The following XRCC4 variants were observed in gnomAD, a reference collection of about 807,000 sequenced individuals.
XRCC4 encodes the protein X-ray repair cross complementing 4, also known as DNA repair protein XRCC4.
Under a neutral mutation model 39.1 loss-of-function variants are expected in XRCC4, and 28 were observed. The ratio of observed to expected loss-of-function variants is 0.72; its 90% CI spans 0.53 to 0.98. XRCC4 has a LOEUF of 0.98. XRCC4 is among the 50% of genes least tolerant of loss of function. The pLI, the probability that XRCC4 is intolerant of heterozygous loss-of-function variation, is 0.00. For synonymous variants in XRCC4, 123 were observed against 126.4 expected, an observed-to-expected ratio of 0.97 and a Z score of 0.18; for missense variants, 350 against 376.4, an observed-to-expected ratio of 0.93 and a Z score of 0.58.
intron 6 of XRCC4, among the ~76,000 whole-genome samples, chr5:83,214,035 C>A (rs962994010): frequency 6.6e-6 from 1 of 152,114 alleles, no homozygotes; most frequent in Non-Finnish European, 1.5e-5. Context: ...TCTCAACAAA[C>A]CAGGAATATG....
At chr5:83,368,165 A>G in the XRCC4 span, among the ~76,000 whole-genome samples, 1 of 150,966 alleles carries the variant, frequency 6.6e-6, no homozygotes, top group Non-Finnish European at 1.5e-5. Context: ...TTTGCAAGCT[A>G]TTGATTAAGA....
chr5:83,351,428 T>G (rs1438844547), intron 7 of XRCC4, among the ~76,000 whole-genome samples: 3 of 152,182 alleles, frequency 2.0e-5, no homozygotes, highest in Non-Finnish European at 1.5e-5. Context: ...TTGAGATAGT[T>G]CAGTTATCTC....
intron 7 of XRCC4, among the ~76,000 whole-genome samples, chr5:83,301,905 G>C (rs1344386463): frequency 6.6e-6 from 1 of 152,114 alleles, no homozygotes; most frequent in Non-Finnish European, 1.5e-5. Context: ...TGTTATGTCT[G>C]AGCCCTCTGT....
At chr5:83,228,461 T>G (rs940440178) in intron 6 of XRCC4, among the ~76,000 whole-genome samples, 2 of 152,016 alleles carry the variant, frequency 1.3e-5, no homozygotes, top group African/African-American at 4.8e-5. Flanking sequence ...AGCCAACACT[T>G]GAAAAAGAAT....
intron 7 of XRCC4, among the ~76,000 whole-genome samples, chr5:83,281,394 G>A (rs1754532087): frequency 2.0e-5 from 3 of 152,050 alleles, no homozygotes; most frequent in African/African-American, 7.2e-5. Flanking sequence ...AGGCTTTCAT[G>A]AGCTGCACTT....
intron 1 of XRCC4, among the ~76,000 whole-genome samples, chr5:83,085,742 C>T (rs912875608): frequency 2.0e-5 from 3 of 152,132 alleles, no homozygotes; most frequent in African/African-American, 4.8e-5. Context: ...AAAGTTTATA[C>T]TCTGATAACT....
intron 1 of XRCC4, among the ~76,000 whole-genome samples, chr5:83,093,325 A>G (rs1038051939): frequency 6.6e-6 from 1 of 152,244 alleles, no homozygotes; most frequent in African/African-American, 2.4e-5. Flanking sequence ...AGCAAACATT[A>G]AAGGGTGTAC....
intron 7 of XRCC4, among the ~76,000 whole-genome samples, chr5:83,278,621 T>C (rs181118843): frequency 6.6e-6 from 1 of 152,312 alleles, no homozygotes; most frequent in Admixed American, 6.5e-5. Flanking sequence ...GCCCCTTTTT[T>C]AACTGTACAA....
At chr5:83,246,038 C>A (rs1194174081) in intron 6 of XRCC4, among the ~76,000 whole-genome samples, 1 of 151,854 alleles carries the variant, frequency 6.6e-6, no homozygotes, top group Non-Finnish European at 1.5e-5. Flanking sequence ...TTTTTTCTAT[C>A]ATTGTCCTTT....
intron 1 of XRCC4, among the ~76,000 whole-genome samples, chr5:83,086,209 G>A (rs781731138): frequency 3.9e-5 from 6 of 152,134 alleles, no homozygotes; most frequent in African/African-American, 7.2e-5. Flanking sequence ...ATATAGTAGC[G>A]TACATTGTAA....
chr5:83,240,684 G>A (rs985578899), intron 6 of XRCC4, among the ~76,000 whole-genome samples: 32 of 152,232 alleles, frequency 2.1e-4, no homozygotes, highest in Admixed American at 9.2e-4. Context: ...CACAAAGGTA[G>A]GTTCTGTATT....
rs76077030 is a variant in XRCC4 at position 83,272,298 on chromosome 5, A to AC, written c.893+13628dup. Among the ~76,000 whole-genome samples the AC allele has an allele frequency of 1.1e-4, 17 of 151,672 alleles. No homozygotes were observed. In the East Asian group the frequency reaches 1.4e-3, roughly 12 times the overall value. On this transcript the variant is annotated intron_variant, in intron 7 of 7. Transcript: ENST00000396027. Reference sequence around the variant, plus strand: ...TTTTCCAGTGTTCCATTAAAGTCATACCCCCCCAAACCCTGTTTATATCTC... The same window carrying AC: ...TTTTCCAGTGTTCCATTAAAGTCATACCCCCCCCAAACCCTGTTTATATCTC...
chr5:83,236,358 A>C (rs1167677211), intron 6 of XRCC4, among the ~76,000 whole-genome samples: 1 of 152,158 alleles, frequency 6.6e-6, no homozygotes, highest in Admixed American at 6.5e-5. Flanking sequence ...GTACTGTCTC[A>C]TAAAAACAGA....
chr5:83,092,950 T>C (rs963558587), intron 1 of XRCC4, among the ~76,000 whole-genome samples: 3 of 151,940 alleles, frequency 2.0e-5, no homozygotes, highest in African/African-American at 7.3e-5. Flanking sequence ...TCCTTACTTA[T>C]CAACAATTAT....
chr5:83,248,589 G>A (rs1753196465), intron 6 of XRCC4, among the ~76,000 whole-genome samples: 1 of 152,086 alleles, frequency 6.6e-6, no homozygotes, highest in Non-Finnish European at 1.5e-5. Context: ...ACATTACTGA[G>A]ACAGCATGCT....
At chr5:83,240,612 T>A (rs1752871218) in intron 6 of XRCC4, among the ~76,000 whole-genome samples, 1 of 152,146 alleles carries the variant, frequency 6.6e-6, no homozygotes, top group Non-Finnish European at 1.5e-5. Context: ...ACTCTTACTT[T>A]GGGGCCACAC....
At chr5:83,185,040 A>C (rs1750373926) in intron 3 of XRCC4, among the ~76,000 whole-genome samples, 1 of 152,104 alleles carries the variant, frequency 6.6e-6, no homozygotes, top group Admixed American at 6.6e-5. Flanking sequence ...AGAGATTTCT[A>C]AGGTTCCCAT....
chr5:83,300,862 GAA>G (rs1286982577), intron 7 of XRCC4, among the ~76,000 whole-genome samples: 2 of 151,956 alleles, frequency 1.3e-5, no homozygotes, highest in Non-Finnish European at 2.9e-5. Flanking sequence ...AGTTTGCTGA[GAA>G]TGATGGTTTC....
At chr5:83,169,576 CAA>C (rs1480116026) in intron 3 of XRCC4, among the ~76,000 whole-genome samples, 1 of 152,140 alleles carries the variant, frequency 6.6e-6, no homozygotes, top group Admixed American at 6.5e-5. Flanking sequence ...CCTCAAAAGA[CAA>C]AGAGTAAGCC....
Sources: gnomAD v4.1 joint callset for allele counts (sites outside exome capture counted in the v4.1 genomes callset) on GRCh38, gnomAD v4.1.1 for gene constraint, MANE v1.5 for transcripts, NCBI Gene and HGNC (gene_info 2026-07-23, HGNC 2026-07-21) for gene names.